LDB2: variants seen among roughly 807,000 people sequenced by gnomAD.
LDB2 encodes the protein LIM domain binding 2.
A neutral mutation model predicts 44.3 loss-of-function variants in LDB2; 12 were observed. The ratio of observed to expected loss-of-function variants is 0.27; its 90% confidence interval spans 0.17 to 0.44. The LOEUF (loss-of-function observed/expected upper bound fraction) is 0.44. Ranked by LOEUF, LDB2 falls within the 20% of genes least tolerant of loss-of-function variation. The pLI is 1.00. For synonymous variants in LDB2, 164 were observed against 174.8 expected (o/e 0.94, Z 0.49); for missense variants, 344 against 473.5 (o/e 0.73, Z 2.54).
intron 2 of LDB2, among the ~76,000 whole-genome samples, chr4:16,666,022 A>ACAAC (rs1225023270): frequency 6.6e-6 from 1 of 152,190 alleles, no homozygotes; most frequent in African/African-American, 2.4e-5. Context: ...TCAGAAAGAA[A>ACAAC]CAACCAACGC....
chr4:16,791,556 G>GGAAAAAAAAAAAA (rs781574671), intron 1 of LDB2, among the ~76,000 whole-genome samples: 9 of 58,998 alleles, frequency 1.5e-4, no homozygotes, highest in South Asian at 9.2e-4. Flanking sequence ...CTCTGGCTCA[G>GGAAAAAAAAAAAA]AAAAAAAAAA....
intron 1 of LDB2, among the ~76,000 whole-genome samples, chr4:16,877,203 C>T (rs1009898677): frequency 2.0e-5 from 3 of 152,222 alleles, no homozygotes; most frequent in African/African-American, 7.2e-5. Flanking sequence ...GGGCAATACT[C>T]TGACTTTCAA....
intron 2 of LDB2, among the ~76,000 whole-genome samples, chr4:16,662,200 T>G (rs1741787277): frequency 6.6e-6 from 1 of 152,288 alleles, no homozygotes; most frequent in Admixed American, 6.5e-5. Flanking sequence ...TGCCCATTCC[T>G]TCAGTCCCTA....
chr4:16,845,017 A>G (rs372652348), intron 1 of LDB2, among the ~76,000 whole-genome samples: 7 of 152,304 alleles, frequency 4.6e-5, no homozygotes, highest in African/African-American at 1.7e-4. Context: ...ACTGGGGGAA[A>G]GTTCACTCTG....
intron 2 of LDB2, among the ~76,000 whole-genome samples, chr4:16,659,798 T>A (rs1741044423): frequency 6.6e-6 from 1 of 151,908 alleles, no homozygotes; most frequent in Non-Finnish European, 1.5e-5. Flanking sequence ...TTTACCACAA[T>A]AGGAGTCATG....
intron 2 of LDB2, among the ~76,000 whole-genome samples, chr4:16,687,235 T>A (rs1231363704): frequency 6.6e-6 from 1 of 152,180 alleles, no homozygotes; most frequent in Admixed American, 6.5e-5. Flanking sequence ...TATCCTCCAA[T>A]TTAATAGTAT....
At chr4:16,564,804 A>G (rs1743897705) in intron 5 of LDB2, among the ~76,000 whole-genome samples, 1 of 152,226 alleles carries the variant, frequency 6.6e-6, no homozygotes, top group Non-Finnish European at 1.5e-5. Flanking sequence ...GTAAGTTCTC[A>G]TAGGAGAATT....
At chr4:16,701,318 G>T (rs994660548) in intron 2 of LDB2, among the ~76,000 whole-genome samples, 12 of 152,102 alleles carry the variant, frequency 7.9e-5, no homozygotes, top group African/African-American at 2.7e-4. Context: ...CACCCATTTT[G>T]CTCCCAGAAG....
At chr4:16,553,554 T>C (rs1009424799) in intron 5 of LDB2, among the ~76,000 whole-genome samples, 2 of 152,190 alleles carry the variant, frequency 1.3e-5, no homozygotes, top group African/African-American at 2.4e-5. Context: ...GTTGTTTGTT[T>C]GTTTGTTTTC....
At chr4:16,833,457 T>C (rs914970228) in intron 1 of LDB2, among the ~76,000 whole-genome samples, 1 of 152,178 alleles carries the variant, frequency 6.6e-6, no homozygotes, top group African/African-American at 2.4e-5. Flanking sequence ...ACTTATTGAG[T>C]GTCAGTTGTC....
At chr4:16,783,142 A>G (rs149611624) in intron 1 of LDB2, among the ~76,000 whole-genome samples, 1,581 of 152,314 alleles carry the variant, frequency 0.01, 26 homozygotes, top group African/African-American at 0.035. Context: ...AAGTGCTTAG[A>G]AAACAGAAAG....
At chr4:16,836,136 AAAGAT>A (rs1784846905) in intron 1 of LDB2, among the ~76,000 whole-genome samples, 1 of 152,248 alleles carries the variant, frequency 6.6e-6, no homozygotes, top group African/African-American at 2.4e-5. Flanking sequence ...TTCATTTTCC[AAAGAT>A]AATGACTGTA....
intron 5 of LDB2, among the ~76,000 whole-genome samples, chr4:16,512,916 A>G (rs1168374744): frequency 6.6e-6 from 1 of 152,142 alleles, no homozygotes; most frequent in Non-Finnish European, 1.5e-5. Flanking sequence ...ATTCCTTCTC[A>G]ATTGGAAGCT....
At chr4:16,691,088 A>T (rs1750676499) in intron 2 of LDB2, among the ~76,000 whole-genome samples, 1 of 152,024 alleles carries the variant, frequency 6.6e-6, no homozygotes, top group East Asian at 1.9e-4. Flanking sequence ...TCATTATCCA[A>T]ATCTTAGAGG....
At chr4:16,658,176 A>G (rs1435955515) in intron 2 of LDB2, among the ~76,000 whole-genome samples, 2 of 152,244 alleles carry the variant, frequency 1.3e-5, no homozygotes, top group Non-Finnish European at 2.9e-5. Context: ...AGAGGTCAGT[A>G]TGGCAGATTC....
At chr4:16,870,557 C>T (rs1716232767) in intron 1 of LDB2, among the ~76,000 whole-genome samples, 2 of 152,094 alleles carry the variant, frequency 1.3e-5, no homozygotes, top group Admixed American at 1.3e-4. Flanking sequence ...GATCTGGCCT[C>T]ACCATCTCTG....
chr4:16,802,602 A>C (rs1778051318), intron 1 of LDB2, among the ~76,000 whole-genome samples: 1 of 152,222 alleles, frequency 6.6e-6, no homozygotes. Flanking sequence ...CTAAATGCTA[A>C]GTGCTTGATG....
At chr4:16,702,467 C>G (rs998445281) in intron 2 of LDB2, among the ~76,000 whole-genome samples, 1 of 152,204 alleles carries the variant, frequency 6.6e-6, no homozygotes, top group African/African-American at 2.4e-5. Flanking sequence ...TGAAGCATCT[C>G]CCCGTCCCTC....
intron 5 of LDB2, among the ~76,000 whole-genome samples, chr4:16,576,980 G>A (rs562045323): frequency 6.4e-4 from 97 of 152,202 alleles, no homozygotes; most frequent in African/African-American, 2.2e-3. Flanking sequence ...AAGGACGAAA[G>A]CCATACGATC....
Sources: gnomAD v4.1 joint callset for allele counts (sites outside exome capture counted in the v4.1 genomes callset) on GRCh38, gnomAD v4.1.1 for gene constraint, MANE v1.5 for transcripts, NCBI Gene and HGNC (gene_info 2026-07-23, HGNC 2026-07-21) for gene names.